Variants in CACNB4 observed in about 807,000 individuals in gnomAD.
The protein encoded by CACNB4 is calcium voltage-gated channel auxiliary subunit beta 4.
A neutral mutation model predicts 71.2 loss-of-function variants in CACNB4; 32 were observed. That is an observed-to-expected ratio of 0.45 (90% confidence interval 0.34 to 0.60). CACNB4 has a LOEUF of 0.60. CACNB4 is among the 20% of genes least tolerant of loss of function. The pLI is 0.01. For missense variants in CACNB4, 464 were observed against 647.9 expected (o/e 0.72, Z 3.08); for synonymous variants, 231 against 236.9 (o/e 0.97, Z 0.23).
chr2:152,036,761 A>ATTTTGTCTTATTTTG, intron 2 of CACNB4, among the ~76,000 whole-genome samples: 1 of 152,162 alleles, frequency 6.6e-6, no homozygotes, highest in Admixed American at 6.5e-5. Context: ...GACCATGTTT[A>ATTTTGTCTTATTTTG]GAGTATTCTG....
rs1318572066 is a variant in CACNB4, at chr2:152,002,571, CAACT to C, written c.147+95755_147+95758del. Among the ~76,000 whole-genome samples, 27 of 152,308 alleles carry C rather than the reference CAACT, an allele frequency of 1.8e-4. 1 individual carries two copies. Among genetic ancestry groups the C allele is most frequent in the East Asian group, 1.7e-3 (9 of 5,192 alleles). On this transcript the variant is annotated intron_variant, in intron 2 of 13. Transcript: ENST00000539935. ...TCTGAGATCAAATATGCAACTTATC[CAACT>C]AACTAATTGTTGCCTTGGTCAAGTT...
At chr2:151,964,712 A>C (rs1177451783) in intron 2 of CACNB4, among the ~76,000 whole-genome samples, 2 of 152,242 alleles carry the variant, frequency 1.3e-5, no homozygotes, top group Non-Finnish European at 2.9e-5. Flanking sequence ...GGGATATGAC[A>C]ATACAGAAAA....
Position 152,098,576 on chromosome 2 carries a change from A to AGCAAAC in CACNB4, c.64-164_64-163insGTTTGC. The AGCAAAC allele has an allele frequency of 2.5e-6, 1 of 405,562 alleles. No individual in the cohort carries two copies. Among genetic ancestry groups the AGCAAAC allele is most frequent in the Non-Finnish European group, 4.6e-6 (1 of 215,070 alleles). The allele number at this position is 405,562 out of a possible 1,614,324, so 25.1% of individuals were successfully genotyped here. A position where few individuals can be genotyped will look rare whatever the true frequency, so the allele number is the denominator to read the frequency against. ...ACTCCCAAATACAGCCCCCACCCCC[A>AGCAAAC]CCCACCCACTGCAAGCCTCGACTGC... On this transcript the variant is annotated intron_variant, in intron 1 of 13. Transcript: ENST00000539935. The surrounding 1 kb of genome is among the most constrained non-coding windows in gnomAD (Gnocchi z 5.3).
At chr2:151,885,427 G>A (rs150453434) in intron 2 of CACNB4, among the ~76,000 whole-genome samples, 1 of 152,326 alleles carries the variant, frequency 6.6e-6, no homozygotes, top group Non-Finnish European at 1.5e-5. Flanking sequence ...CTTAGAGCCA[G>A]CAGATTCACA....
At chr2:151,977,128 C>T (rs997174786) in intron 2 of CACNB4, among the ~76,000 whole-genome samples, 1 of 152,316 alleles carries the variant, frequency 6.6e-6, no homozygotes, top group African/African-American at 2.4e-5. Flanking sequence ...AACCCACCTA[C>T]CTCTCATTAC....
chr2:152,029,355 G>T (rs1365085554), intron 2 of CACNB4, among the ~76,000 whole-genome samples: 8 of 151,886 alleles, frequency 5.3e-5, no homozygotes, highest in African/African-American at 1.9e-4. Context: ...TTAGCCAGGT[G>T]TGGTGTTGTG....
At position 151,834,209 on chromosome 2, in the gene CACNB4, C is replaced by G. The variant is rs1168136273; in HGVS notation, c.*4910G>C. On this transcript the variant is annotated 3_prime_UTR_variant, in exon 14 of 14. Coordinates refer to ENST00000539935, the MANE Select transcript of CACNB4 (RefSeq NM_000726.5). ...TTCTGGTTCTTAGTTCCCCTTGTAA[C>G]TCCTTATAATTTTCAAATGAGGAAG... The G allele has an allele frequency of 1.3e-5, 2 of 152,022 alleles. No homozygotes were observed. The highest frequency in any genetic ancestry group is 2.9e-5 in the Non-Finnish European group (2 of 67,896). 9.4% of individuals were successfully genotyped at this position (152,022 alleles called of 1,614,324 possible).
At chr2:151,983,712 C>G (rs1239253177) in intron 2 of CACNB4, among the ~76,000 whole-genome samples, 1 of 149,942 alleles carries the variant, frequency 6.7e-6, no homozygotes, top group East Asian at 2.0e-4. Flanking sequence ...CACACACACA[C>G]AGGGCTTTGC....
intron 11 of CACNB4, chr2:151,854,839 T>G (rs940992812): frequency 1.9e-5 from 3 of 158,580 alleles, no homozygotes; most frequent in Admixed American, 6.5e-5. Flanking sequence ...CCTTTTTTGA[T>G]CAATATAGAT....
intron 2 of CACNB4, among the ~76,000 whole-genome samples, chr2:152,036,490 G>T (rs1684599074): frequency 6.6e-6 from 1 of 152,126 alleles, no homozygotes; most frequent in Non-Finnish European, 1.5e-5. Context: ...AGTAGAGACA[G>T]GATTTCACCA....
At chr2:152,066,667 T>C (rs1015551813) in intron 2 of CACNB4, among the ~76,000 whole-genome samples, 1 of 150,406 alleles carries the variant, frequency 6.6e-6, no homozygotes, top group Non-Finnish European at 1.5e-5. Flanking sequence ...GGACTATAAA[T>C]CATGCTGCTA....
intron 2 of CACNB4, among the ~76,000 whole-genome samples, chr2:152,008,290 TTC>T (rs1051123346): frequency 6.6e-6 from 1 of 151,984 alleles, no homozygotes; most frequent in African/African-American, 2.4e-5. Context: ...TTGTTCAGTC[TTC>T]TTTCTTTTTC....
chr2:151,887,721 A>G (rs1204930042), intron 2 of CACNB4, among the ~76,000 whole-genome samples: 1 of 152,136 alleles, frequency 6.6e-6, no homozygotes, highest in East Asian at 1.9e-4. Context: ...AAGTTATTTA[A>G]CCTTCTGCAT....
intron 2 of CACNB4, among the ~76,000 whole-genome samples, chr2:151,936,047 C>T (rs1348564107): frequency 1.3e-5 from 2 of 152,170 alleles, no homozygotes. Context: ...AACTAACAAA[C>T]AAAACTATAT....
chr2:151,925,505 A>G (rs572567355), intron 2 of CACNB4, among the ~76,000 whole-genome samples: 5 of 152,366 alleles, frequency 3.3e-5, no homozygotes, highest in South Asian at 2.1e-4. Flanking sequence ...AATGAATTCC[A>G]TAAGTCACTT....
intron 5 of CACNB4, 75 bp downstream of exon 5, chr2:151,876,351 T>C (rs1245005881): frequency 3.9e-6 from 5 of 1,283,198 alleles, no homozygotes; most frequent in East Asian, 2.5e-5. Flanking sequence ...TCTTCTACTT[T>C]GAAAGTATAC....
chr2:152,067,395 G>GGC (rs1686407331), intron 2 of CACNB4, among the ~76,000 whole-genome samples: 3 of 151,174 alleles, frequency 2.0e-5, no homozygotes, highest in African/African-American at 7.3e-5. Flanking sequence ...GTGTGGGGGG[G>GGC]GGGGTGCCTC....
chr2:151,906,427 A>T (rs1327183821), intron 2 of CACNB4, among the ~76,000 whole-genome samples: 1 of 152,178 alleles, frequency 6.6e-6, no homozygotes, highest in African/African-American at 2.4e-5. Flanking sequence ...ATAAACTTTA[A>T]AAATAAACCA....
chr2:151,846,953 G>A (rs758407124), intron 12 of CACNB4, among the ~76,000 whole-genome samples: 9 of 152,032 alleles, frequency 5.9e-5, no homozygotes, highest in South Asian at 2.1e-4. Flanking sequence ...ATAATGATAC[G>A]CATTGCTTTA....
Sources: allele counts gnomAD v4.1 joint callset (sites outside exome capture counted in the v4.1 genomes callset), GRCh38; gene constraint gnomAD v4.1.1; non-coding constraint Gnocchi (gnomAD v3.1); transcripts MANE v1.5; gene names NCBI Gene and HGNC (gene_info 2026-07-23, HGNC 2026-07-21).